CADM2: variants seen among roughly 807,000 people sequenced by gnomAD.
The protein encoded by CADM2 is immunoglobulin superfamily member 4D.
In CADM2, 12 loss-of-function variants were observed where a neutral mutation model predicts 49.8. That is an observed-to-expected ratio of 0.24 (90% confidence interval 0.15 to 0.39). CADM2 has a LOEUF of 0.39. CADM2 is among the 10% of genes least tolerant of loss of function. CADM2 has a pLI of 1.00. For synonymous variants in CADM2, 214 were observed against 175.4 expected (o/e 1.22, Z -1.74); for missense variants, 378 against 492.3 (o/e 0.77, Z 2.20).
intron 1 of CADM2, among the ~76,000 whole-genome samples, chr3:85,698,980 A>G (rs1170866182): frequency 1.3e-5 from 2 of 152,126 alleles, no homozygotes; most frequent in Non-Finnish European, 2.9e-5. Flanking sequence ...CAAGTTAGTT[A>G]CTCCCAAGCT....
intron 1 of CADM2, among the ~76,000 whole-genome samples, chr3:85,101,340 T>A (rs1267967079): frequency 3.3e-5 from 5 of 152,196 alleles, no homozygotes; most frequent in African/African-American, 1.2e-4. Flanking sequence ...ATGCATAGAA[T>A]GTTATTCTAT....
chr3:85,081,599 G>A lies in CADM2; in HGVS notation c.61+121931G>A, dbSNP rs569376595. Among the ~76,000 whole-genome samples the A allele has an allele frequency of 7.8e-4, 118 of 152,252 alleles. 1 individual carries two copies. Among genetic ancestry groups the A allele is most frequent in the Middle Eastern group, 3.4e-3 (1 of 294 alleles). On this transcript the variant is annotated intron_variant, in intron 1 of 9. Transcript: ENST00000383699. ...GATTGTAAAGTGAGTAACTCTTCCA[G>A]GTTTAATCATCTCAGTGATTCCTTT...
In CADM2 at chr3:85,561,584, G is replaced by T. The variant is rs114821231; in HGVS notation, c.62-164938G>T. Among the ~76,000 whole-genome samples the T allele has an allele frequency of 8.2e-3, 1,244 of 152,172 alleles. 19 individuals carry two copies. The highest frequency in any genetic ancestry group is 0.029 in the African/African-American group (1,189 of 41,534). On this transcript the variant is annotated intron_variant, in intron 1 of 9. Coordinates refer to ENST00000383699, the MANE Select transcript of CADM2 (RefSeq NM_001167675.2). ...TATTTTCTAGGTTTTTATCTTCCAT[G>T]GTAATAGGACATTGACATATCTAAA...
At chr3:85,496,472 T>C (rs2039903079) in intron 1 of CADM2, among the ~76,000 whole-genome samples, 1 of 152,198 alleles carries the variant, frequency 6.6e-6, no homozygotes, top group South Asian at 2.1e-4. Context: ...TTCCATGTCT[T>C]TGCTATTGTG....
chr3:85,611,615 C>T (rs2063684668), intron 1 of CADM2, among the ~76,000 whole-genome samples: 1 of 151,736 alleles, frequency 6.6e-6, no homozygotes, highest in African/African-American at 2.4e-5. Flanking sequence ...TCAATTAATT[C>T]TGTCTGAGAG....
At chr3:85,923,461 T>C (rs1374224287) in intron 6 of CADM2, among the ~76,000 whole-genome samples, 1 of 151,892 alleles carries the variant, frequency 6.6e-6, no homozygotes, top group Non-Finnish European at 1.5e-5. Flanking sequence ...TTTTGGGGTG[T>C]CTTTATTAAT....
intron 1 of CADM2, among the ~76,000 whole-genome samples, chr3:85,632,463 A>T (rs911708142): frequency 1.8e-4 from 28 of 152,142 alleles, no homozygotes; most frequent in Non-Finnish European, 3.1e-4. Context: ...ATGCGTCGAG[A>T]GCTGTTTTGT....
intron 1 of CADM2, among the ~76,000 whole-genome samples, chr3:85,193,500 C>G (rs901381616): frequency 1.2e-4 from 18 of 152,058 alleles, no homozygotes; most frequent in African/African-American, 4.3e-4. Flanking sequence ...TAGTCTCATT[C>G]TAATTCCTGC....
rs375036933 is a variant in CADM2, at chr3:85,118,971, A to T, written c.61+159303A>T. Reference sequence around the variant, plus strand: ...TCCATGTTGGTCAGGCTGGTCTCGAACTCCCAACCTCAGGTGATCCATCCA... The same window carrying T: ...TCCATGTTGGTCAGGCTGGTCTCGATCTCCCAACCTCAGGTGATCCATCCA... On this transcript the variant is annotated intron_variant, in intron 1 of 9. Transcript: ENST00000383699. Among the ~76,000 whole-genome samples, 41 of 151,842 alleles carry T rather than the reference A, an allele frequency of 2.7e-4. No individual in the cohort carries two copies. In the East Asian group the frequency reaches 7.6e-3, roughly 28 times the overall value.
intron 1 of CADM2, among the ~76,000 whole-genome samples, chr3:85,058,167 T>G (rs1342561119): frequency 1.3e-5 from 2 of 152,152 alleles, no homozygotes; most frequent in Non-Finnish European, 2.9e-5. Context: ...ATCTGTAAAT[T>G]TTATGAGGTG....
Position 85,338,711 on chromosome 3 carries a change from T to C in CADM2, c.61+379043T>C, listed in dbSNP as rs1312831738. Among the ~76,000 whole-genome samples the C allele has an allele frequency of 2.0e-5, 3 of 151,630 alleles. No individual in the cohort carries two copies. In the East Asian group the frequency reaches 5.8e-4, roughly 29 times the overall value. On this transcript the variant is annotated intron_variant, in intron 1 of 9. Coordinates refer to ENST00000383699, the MANE Select transcript of CADM2 (RefSeq NM_001167675.2). ...TTTGAACAAAAACTGGTTTTTCTGA[T>C]TCCTAAGGTCTATGTTCTTTTCACC...
chr3:85,783,913 G>A (rs956137049), intron 2 of CADM2, among the ~76,000 whole-genome samples: 4 of 151,994 alleles, frequency 2.6e-5, no homozygotes, highest in South Asian at 2.1e-4. Flanking sequence ...TTTAAAGTAC[G>A]ATCATCTTTG....
intron 1 of CADM2, among the ~76,000 whole-genome samples, chr3:85,545,155 G>C (rs891343088): frequency 1.3e-5 from 2 of 152,164 alleles, no homozygotes; most frequent in Admixed American, 6.5e-5. Context: ...ATAATTTTTT[G>C]AAGTTGCAGT....
intron 1 of CADM2, among the ~76,000 whole-genome samples, chr3:85,152,907 T>G (rs1342264439): frequency 6.9e-6 from 1 of 144,986 alleles, no homozygotes; most frequent in Non-Finnish European, 1.5e-5. Flanking sequence ...GAGCTTGCAG[T>G]GAGCCGAGAT....
intron 1 of CADM2, among the ~76,000 whole-genome samples, chr3:85,578,116 C>T (rs778289027): frequency 3.3e-4 from 50 of 151,258 alleles, no homozygotes; most frequent in Middle Eastern, 3.4e-3. Flanking sequence ...ACTCTTTCAC[C>T]CAGGCTGGAG....
At chr3:85,334,333 A>C (rs1215991613) in intron 1 of CADM2, among the ~76,000 whole-genome samples, 1 of 151,576 alleles carries the variant, frequency 6.6e-6, no homozygotes, top group Non-Finnish European at 1.5e-5. Flanking sequence ...TCAGGCTTAC[A>C]TCTAAAAAAT....
chr3:85,381,810 G>C (rs1174573905), intron 1 of CADM2, among the ~76,000 whole-genome samples: 23 of 151,958 alleles, frequency 1.5e-4, no homozygotes, highest in Admixed American at 9.9e-4. Flanking sequence ...ATGTTGTAAG[G>C]ATGTCTCTAC....
chr3:85,024,232 C>T (rs1291386281), intron 1 of CADM2, among the ~76,000 whole-genome samples: 1 of 152,078 alleles, frequency 6.6e-6, no homozygotes, highest in Non-Finnish European at 1.5e-5. Context: ...TCATGGAGAG[C>T]CCAACACTGG....
intron 2 of CADM2, among the ~76,000 whole-genome samples, chr3:85,737,975 T>C (rs1559623711): frequency 6.6e-6 from 1 of 152,152 alleles, no homozygotes; most frequent in Non-Finnish European, 1.5e-5. Context: ...GGGTTAATCA[T>C]CTGATGGGCA....
Sources: allele counts gnomAD v4.1 joint callset (sites outside exome capture counted in the v4.1 genomes callset), GRCh38; gene constraint gnomAD v4.1.1; transcripts MANE v1.5; gene names NCBI Gene and HGNC (gene_info 2026-07-23, HGNC 2026-07-21).